CAPRIN1: variants seen among roughly 807,000 people sequenced by gnomAD.
CAPRIN1 encodes the protein caprin-1.
Under a neutral mutation model 100.9 loss-of-function variants are expected in CAPRIN1, and 29 were observed. The observed-to-expected ratio is 0.29, with a 90% CI of 0.21 to 0.39. The LOEUF (loss-of-function observed/expected upper bound fraction) is 0.39. CAPRIN1 is among the 10% of genes least tolerant of loss of function. CAPRIN1 has a pLI of 1.00. For missense variants in CAPRIN1, 795 were observed against 876.7 expected (o/e 0.91, Z 1.18); for synonymous variants, 338 against 307.5 (o/e 1.10, Z -1.04).
intron 2 of CAPRIN1, chr11:34,053,334 AT>A (rs1850374894): frequency 5.4e-6 from 1 of 185,518 alleles, no homozygotes; most frequent in Non-Finnish European, 1.0e-5. Context: ...TCGCGAGATG[AT>A]TTTCTGCAGC....
chr11:34,052,431 C>G lies in CAPRIN1; in HGVS notation c.11C>G (p.Ala4Gly). The change falls in exon 2 of 19, where the codon GCC becomes GGC. Residue 4 changes from alanine (A) to glycine (G), a missense_variant. Coordinates refer to ENST00000341394, the MANE Select transcript of CAPRIN1 (RefSeq NM_005898.5). The stretch of plus-strand genomic sequence containing the variant: ...CCTTGCGGTCTGAAGATGCCCTCGG[C>G]CACCAGCCACAGCGGGAGCGGCAGC... The part of the protein sequence containing the change: MPS[A>G]TSHSGSGSKS... The G allele has an allele frequency of 6.2e-7, 1 of 1,607,516 alleles. No homozygotes were observed. The highest frequency in any genetic ancestry group is 8.5e-7 in the Non-Finnish European group (1 of 1,178,810).
rs546005627 is a variant in CAPRIN1 at position 34,064,135 on chromosome 11, A to G, written c.217-7591A>G. The stretch of plus-strand genomic sequence containing the variant: ...GGAAAAATACTTAATATCTTATTTT[A>G]TTTGTTTCATGAGTAGCTGACCAAT... On this transcript the variant is annotated intron_variant, in intron 2 of 18. Coordinates refer to ENST00000341394, the MANE Select transcript of CAPRIN1 (RefSeq NM_005898.5). Among the ~76,000 whole-genome samples the G allele has an allele frequency of 2.0e-5, 3 of 152,152 alleles. No individual in the cohort carries two copies. The East Asian group carries it at 5.8e-4, about 29-fold the overall frequency.
At position 34,100,231 on chromosome 11, in the gene CAPRIN1, G is replaced by A. The variant is rs1851434054; in HGVS notation, c.*864G>A. 1 of 152,034 alleles carries A rather than the reference G, an allele frequency of 6.6e-6. No homozygotes were observed. Among genetic ancestry groups the A allele is most frequent in the African/African-American group, 2.4e-5 (1 of 41,418 alleles). 9.4% of individuals were successfully genotyped at this position (152,034 alleles called of 1,614,324 possible). ...GTACATTGTCTGTCACTAATCCTTG[G>A]ATTTTGCTGTATTGTCACCTAAATT... On this transcript the variant is annotated 3_prime_UTR_variant, in exon 19 of 19. Transcript: ENST00000341394.
intron 18 of CAPRIN1, chr11:34,098,761 C>A: frequency 1.0e-6 from 1 of 985,024 alleles, no homozygotes; most frequent in Non-Finnish European, 1.2e-6. Flanking sequence ...AGCTAAAAAT[C>A]TGTTTTAACA....
At chr11:34,060,138 G>C (rs1289057424) in intron 2 of CAPRIN1, among the ~76,000 whole-genome samples, 5 of 145,958 alleles carry the variant, frequency 3.4e-5, no homozygotes, top group Non-Finnish European at 7.4e-5. Flanking sequence ...AGACGTTGCA[G>C]TGAGCCGAGA....
intron 2 of CAPRIN1, among the ~76,000 whole-genome samples, chr11:34,071,426 G>A (rs372026394): frequency 3.5e-4 from 54 of 152,240 alleles, no homozygotes; most frequent in Middle Eastern, 3.4e-3. Context: ...TTAGCTGGGC[G>A]TGGTGGTGAG....
At chr11:34,096,246 C>A (rs559946289) in intron 15 of CAPRIN1, 70 of 411,698 alleles carry the variant, frequency 1.7e-4, no homozygotes, top group African/African-American at 1.5e-3. Context: ...ATGCACCCTG[C>A]TTTCAAAGGT....
In CAPRIN1 at chr11:34,076,385, G is replaced by A; in HGVS notation, c.516G>A (p.Leu172=). The change falls in exon 5 of 19, where the codon TTG becomes TTA. Residue 172 remains leucine (L), a synonymous_variant. Transcript: ENST00000341394. The stretch of plus-strand genomic sequence containing the variant: ...TGCGGACTGACCTGAAACAAGGTTT[G>A]AATGGAGTGCCAATATTGTCCGAAG... The part of the protein sequence containing the change: ...DEVRTDLKQG[L]NGVPILSEEE... The A allele has an allele frequency of 1.9e-6, 3 of 1,614,194 alleles. No individual in the cohort carries two copies. The highest frequency in any genetic ancestry group is 1.1e-5 in the South Asian group (1 of 91,084).
intron 11 of CAPRIN1, 36 bp from the exon 12 acceptor site, chr11:34,089,359 T>G: frequency 7.0e-7 from 1 of 1,432,894 alleles, no homozygotes; most frequent in African/African-American, 1.5e-5. Context: ...AAAAATTTAA[T>G]TTTGTTTGAC....
In CAPRIN1 at chr11:34,098,755, A is replaced by G. The variant is rs982171245; in HGVS notation, c.2066-548A>G. 19 of 985,104 alleles carry G rather than the reference A, an allele frequency of 1.9e-5. No individual in the cohort carries two copies. In the African/African-American group the frequency reaches 3.1e-4, roughly 16 times the overall value. The allele number at this position is 985,104 out of a possible 1,614,324, so 61.0% of individuals were successfully genotyped here. ...ATGAAAGTTGAGTTAACTGATAGCTAAAAATCTGTTTTAACAGCATGTAAA... is the reference window on the plus strand; with the variant it reads ...ATGAAAGTTGAGTTAACTGATAGCTGAAAATCTGTTTTAACAGCATGTAAA... On this transcript the variant is annotated intron_variant, in intron 18 of 18. Transcript: ENST00000341394.
chr11:34,069,982 C>A (rs1182556963), intron 2 of CAPRIN1, among the ~76,000 whole-genome samples: 2 of 151,304 alleles, frequency 1.3e-5, no homozygotes, highest in African/African-American at 4.9e-5. Flanking sequence ...TTTCTGAATG[C>A]CCTTTATTAG....
In CAPRIN1 at chr11:34,097,245, T is replaced by C. The variant is rs750373642; in HGVS notation, c.1950T>C (p.Gly650=). 1.2e-6 allele frequency: 2 copies of C among 1,614,048 alleles called. No individual in the cohort carries two copies. The highest frequency in any genetic ancestry group is 1.7e-6 in the Non-Finnish European group (2 of 1,179,900). The change falls in exon 17 of 19, where the codon GGT becomes GGC. Residue 650 remains glycine (G), a synonymous_variant. Coordinates refer to ENST00000341394, the MANE Select transcript of CAPRIN1 (RefSeq NM_005898.5). ...RPSFSNTPNS[G]YTQSQFSAPR... ...CATTCTCTAACACTCCAAACAGTGGTTATACACAGTCTCAGTTCAGTGCTC... is the reference window on the plus strand; with the variant it reads ...CATTCTCTAACACTCCAAACAGTGGCTATACACAGTCTCAGTTCAGTGCTC...
At position 34,077,217 on chromosome 11, in the gene CAPRIN1, C is replaced by T. The variant is rs1380571273; in HGVS notation, c.688+575C>T. 2.0e-5 allele frequency among the ~76,000 whole-genome samples: 3 copies of T among 152,232 alleles called. No individual in the cohort carries two copies. The East Asian group carries it at 5.8e-4, about 29-fold the overall frequency. ...TGGGAATATGATAGTCCTAACTTCA[C>T]ATGGTCTTGTATGTAACTTAACTGT... On this transcript the variant is annotated intron_variant, in intron 6 of 18. Transcript: ENST00000341394.
At chr11:34,097,864 C>T (rs1011766037) in intron 18 of CAPRIN1, 103 bp downstream of exon 18, 1 of 1,568,378 alleles carries the variant, frequency 6.4e-7, no homozygotes, top group African/African-American at 1.4e-5. Context: ...TTATCCTTTC[C>T]AGACTTGTTG....
intron 11 of CAPRIN1, 26 bp downstream of exon 11, chr11:34,086,439 A>T (rs760101856): frequency 1.5e-6 from 2 of 1,342,174 alleles, no homozygotes; most frequent in East Asian, 2.3e-5. Flanking sequence ...TTTTTATGTG[A>T]GAGAGAAATA....
At chr11:34,071,171 T>G (rs1850798201) in intron 2 of CAPRIN1, among the ~76,000 whole-genome samples, 2 of 152,232 alleles carry the variant, frequency 1.3e-5, no homozygotes, top group African/African-American at 4.8e-5. Context: ...CATCTAATAC[T>G]CTTTCTTGAT....
intron 13 of CAPRIN1, 118 bp from the exon 14 acceptor site, chr11:34,090,411 T>C (rs1851239304): frequency 1.5e-6 from 2 of 1,325,070 alleles, no homozygotes; most frequent in Admixed American, 3.8e-5. Flanking sequence ...CATGAAATAT[T>C]TGAGTTTGTT....
chr11:34,065,127 T>C (rs1850663745), intron 2 of CAPRIN1, among the ~76,000 whole-genome samples: 1 of 150,798 alleles, frequency 6.6e-6, no homozygotes, highest in Non-Finnish European at 1.5e-5. Context: ...GCCCGACTAA[T>C]TTTTTTTTGT....
At chr11:34,052,973 T>C (rs1850361258) in intron 2 of CAPRIN1, 1 of 1,086,428 alleles carries the variant, frequency 9.2e-7, no homozygotes, top group Non-Finnish European at 1.1e-6. Context: ...TATGGTGCCC[T>C]TCTTTCCGTC....
Sources: allele counts gnomAD v4.1 joint callset (sites outside exome capture counted in the v4.1 genomes callset), GRCh38; gene constraint gnomAD v4.1.1; transcripts MANE v1.5; gene names NCBI Gene and HGNC (gene_info 2026-07-23, HGNC 2026-07-21).